The following OR2V2 variants were observed in gnomAD, a reference collection of about 807,000 sequenced individuals.
The protein encoded by OR2V2 is olfactory receptor 2V2.
For synonymous variants in OR2V2, 161 were observed against 151.3 expected (o/e 1.06, Z -0.47); for missense variants, 392 against 392.2 (o/e 1.00, Z 0.00).
intron 1 of OR2V2, among the ~76,000 whole-genome samples, chr5:181,154,405 C>T (rs1052445733): frequency 4.6e-5 from 7 of 152,006 alleles, no homozygotes; most frequent in East Asian, 3.9e-4. Flanking sequence ...CTGCCTAACA[C>T]GGTGAAACCC....
At chr5:181,150,235 G>A (rs1763176603) in intron 1 of OR2V2, among the ~76,000 whole-genome samples, 2 of 152,230 alleles carry the variant, frequency 1.3e-5, no homozygotes, top group African/African-American at 4.8e-5. Context: ...CTAAATCCAA[G>A]GCTCTGCACC....
At chr5:181,154,553 G>T (rs1582196798) in intron 1 of OR2V2, among the ~76,000 whole-genome samples, 1 of 147,628 alleles carries the variant, frequency 6.8e-6, no homozygotes, top group East Asian at 2.0e-4. Flanking sequence ...TCTCGCCACT[G>T]CACTCCAGCC....
chr5:181,151,227 G>A (rs1763187447), intron 1 of OR2V2, among the ~76,000 whole-genome samples: 1 of 152,160 alleles, frequency 6.6e-6, no homozygotes, highest in African/African-American at 2.4e-5. Flanking sequence ...ATAATAAAAG[G>A]GCCTGGCAGA....
chr5:181,154,884 T>A, intron 1 of OR2V2, 35 bp from the exon 2 acceptor site: 23 of 1,144,816 alleles, frequency 2.0e-5, no homozygotes, highest in Non-Finnish European at 3.0e-5. Flanking sequence ...TAAAGAGATG[T>A]CAGTCAATGT....
intron 1 of OR2V2, among the ~76,000 whole-genome samples, chr5:181,149,631 G>T (rs1018361054): frequency 6.6e-6 from 1 of 152,184 alleles, no homozygotes; most frequent in African/African-American, 2.4e-5. Context: ...AGGCTCACAG[G>T]TATACCACAA....
At position 181,158,371 on chromosome 5, in the gene OR2V2, A is replaced by G. The variant is rs981390028; in HGVS notation, c.*2481A>G. On this transcript the variant is annotated 3_prime_UTR_variant, in exon 2 of 2. Transcript: ENST00000641492. ...GCAGGTGCGGTGGCTCACATCTGTA[A>G]TCCAAGCACTTTGGGAGGCCAAGGC... The G allele has an allele frequency of 2.0e-5, 3 of 151,970 alleles. No homozygotes were observed. The highest frequency in any genetic ancestry group is 7.3e-5 in the African/African-American group (3 of 41,260). The allele number at this position is 151,970 out of a possible 1,614,324, so 9.4% of individuals were successfully genotyped here. A position where few individuals can be genotyped will look rare whatever the true frequency, so the allele number is the denominator to read the frequency against.
chr5:181,155,013 C>A lies in OR2V2; in HGVS notation c.71C>A (p.Ala24Asp), dbSNP rs1268618228. Residue 24 changes from alanine (A) to aspartate (D), a missense_variant, in exon 2 of 2, where the codon GCT becomes GAT. By Grantham distance (126) the Ala-to-Asp change is moderately radical. Transcript: ENST00000641492. ...FLLGIFSHST[A>D]DLVLFSVVMA... ...TTAGGCATCTTCTCCCACAGTACTG[C>A]TGACCTTGTCCTCTTCTCCGTGGTT... 2 of 1,614,200 alleles carry A rather than the reference C, an allele frequency of 1.2e-6. No homozygotes were observed. The highest frequency in any genetic ancestry group is 1.7e-6 in the Non-Finnish European group (2 of 1,180,034).
intron 1 of OR2V2, 150 bp downstream of exon 1, chr5:181,148,145 G>A (rs190680087): frequency 1.0e-5 from 4 of 391,382 alleles, no homozygotes; most frequent in Non-Finnish European, 1.8e-5. Flanking sequence ...TTGGATTTTT[G>A]GGGGGGCATC....
Position 181,153,003 on chromosome 5 carries a change from G to A in OR2V2, c.-24-1916G>A, listed in dbSNP as rs113381606. ...CATACAAAGTTAAGGGAGGAAAAGC[G>A]GGGAAGCACTGCAGTGCTGCGCTAC... On this transcript the variant is annotated intron_variant, in intron 1 of 1. Transcript: ENST00000641492. Among the ~76,000 whole-genome samples the A allele has an allele frequency of 4.4e-3, 675 of 152,362 alleles. 8 individuals are homozygous for A. Among genetic ancestry groups the A allele is most frequent in the African/African-American group, 0.015 (636 of 41,572 alleles).
At chr5:181,151,171 A>G (rs1476658462) in intron 1 of OR2V2, among the ~76,000 whole-genome samples, 2 of 152,174 alleles carry the variant, frequency 1.3e-5, no homozygotes, top group African/African-American at 4.8e-5. Flanking sequence ...GGGAGCAGGA[A>G]AGGCCCTAAG....
At chr5:181,151,024 T>C (rs1259986153) in intron 1 of OR2V2, among the ~76,000 whole-genome samples, 1 of 152,062 alleles carries the variant, frequency 6.6e-6, no homozygotes, top group Non-Finnish European at 1.5e-5. Flanking sequence ...CAGGCAGTGA[T>C]GAGAGCTGTG....
Position 181,158,353 on chromosome 5 carries a change from C to G in OR2V2, c.*2463C>G. ...AATACATGTGGGGGGGGGGCAGGTG[C>G]GGTGGCTCACATCTGTAATCCAAGC... On this transcript the variant is annotated 3_prime_UTR_variant, in exon 2 of 2. Transcript: ENST00000641492. The G allele has an allele frequency of 6.6e-6, 1 of 150,562 alleles. No individual in the cohort carries two copies. The highest frequency in any genetic ancestry group is 2.5e-5 in the African/African-American group (1 of 40,156). The allele number at this position is 150,562 out of a possible 1,614,324, so 9.3% of individuals were successfully genotyped here. A position where few individuals can be genotyped will look rare whatever the true frequency, so the allele number is the denominator to read the frequency against.
chr5:181,155,843 G>C lies in OR2V2; in HGVS notation c.901G>C (p.Ala301Pro). The C allele has an allele frequency of 1.2e-6, 2 of 1,614,192 alleles. No homozygotes were observed. The highest frequency in any genetic ancestry group is 2.2e-5 in the South Asian group (2 of 91,076). Residue 301 changes from alanine to proline, a missense_variant, in exon 2 of 2, where the codon GCA becomes CCA. Coordinates refer to ENST00000641492, the MANE Select transcript of OR2V2 (RefSeq NM_206880.2). Reference protein sequence around the residue: ...YSLRNREVMGALRKGLDRCRI... With the variant: ...YSLRNREVMGPLRKGLDRCRI... ...CTTGAGGAACAGGGAGGTGATGGGG[G>C]CACTGAGGAAGGGGCTGGACCGCTG...
At position 181,155,412 on chromosome 5, in the gene OR2V2, G is replaced by T; in HGVS notation, c.470G>T (p.Gly157Val). ...GSSWAFGIID[G>V]LIQMVVVMNF... ...TCCTGGGCCTTTGGGATAATCGATG[G>T]CTTGATCCAGATGGTGGTAGTAATG... The change falls in exon 2 of 2, where the codon GGC becomes GTC. Residue 157 changes from glycine (G) to valine (V), a missense_variant. Transcript: ENST00000641492. The T allele has an allele frequency of 6.2e-7, 1 of 1,614,182 alleles. No individual in the cohort carries two copies. The highest frequency in any genetic ancestry group is 8.5e-7 in the Non-Finnish European group (1 of 1,180,044).
rs528232543 is a variant in OR2V2 at position 181,155,588 on chromosome 5, G to A, written c.646G>A (p.Val216Met). ...FMLLFPFSII[V>M]ASYAHILGTV... Reference sequence around the variant, plus strand: ...GCTTCTCTTCCCATTCTCCATCATCGTGGCCTCCTATGCTCACATTCTAGG... The same window carrying A: ...GCTTCTCTTCCCATTCTCCATCATCATGGCCTCCTATGCTCACATTCTAGG... Residue 216 changes from valine to methionine, a missense_variant, in exon 2 of 2, where the codon GTG becomes ATG. Transcript: ENST00000641492. The A allele has an allele frequency of 7.0e-5, 113 of 1,614,070 alleles. No individual in the cohort carries two copies. The highest frequency in any genetic ancestry group is 4.9e-4 in the South Asian group (45 of 91,072).
At chr5:181,154,438 A>G (rs902619756) in intron 1 of OR2V2, among the ~76,000 whole-genome samples, 16 of 152,048 alleles carry the variant, frequency 1.1e-4, no homozygotes, top group African/African-American at 3.9e-4. Context: ...AAATACAAAA[A>G]AATTAGCTGG....
At chr5:181,149,950 T>G (rs1361267428) in intron 1 of OR2V2, among the ~76,000 whole-genome samples, 1 of 152,226 alleles carries the variant, frequency 6.6e-6, no homozygotes, top group African/African-American at 2.4e-5. Context: ...AGGTGGCCTG[T>G]GCCTCTGAAC....
intron 1 of OR2V2, among the ~76,000 whole-genome samples, chr5:181,152,347 T>A (rs1273904155): frequency 6.6e-6 from 1 of 152,178 alleles, no homozygotes; most frequent in African/African-American, 2.4e-5. Context: ...TAAGCCGCCT[T>A]ATCTTGTAAA....
intron 1 of OR2V2, among the ~76,000 whole-genome samples, 167 bp downstream of exon 1, chr5:181,148,162 C>A (rs893941760): frequency 2.6e-5 from 4 of 152,192 alleles, no homozygotes; most frequent in Non-Finnish European, 4.4e-5. Context: ...CATCCGCCTT[C>A]TGGTGTGATG....
Sources: gnomAD v4.1 joint callset for allele counts (sites outside exome capture counted in the v4.1 genomes callset) on GRCh38, gnomAD v4.1.1 for gene constraint, MANE v1.5 for transcripts, NCBI Gene and HGNC (gene_info 2026-07-23, HGNC 2026-07-21) for gene names.